The following AKT1 variants were observed in gnomAD, a reference collection of about 807,000 sequenced individuals.
The protein encoded by AKT1 is RAC-alpha serine/threonine-protein kinase.
In AKT1, 21 loss-of-function variants were observed where a neutral mutation model predicts 63.1. That is an observed-to-expected ratio of 0.33 (90% CI 0.24 to 0.48). The LOEUF (loss-of-function observed/expected upper bound fraction) is 0.48. Ranked by LOEUF, AKT1 falls within the 20% of genes least tolerant of loss-of-function variation. The probability of loss-of-function intolerance (pLI) is 0.99; values close to 1 mark genes in which losing one functional copy is unlikely to be tolerated. For missense variants in AKT1, 382 were observed against 666.0 expected (o/e 0.57, Z 4.69); for synonymous variants, 257 against 253.1 (o/e 1.02, Z -0.15).
rs17846816 is a variant in AKT1 at position 104,780,228 on chromosome 14, C to T, written c.47-12G>A. 909 of 1,612,298 alleles carry T rather than the reference C, an allele frequency of 5.6e-4. 20 individuals are homozygous for T. The East Asian group carries it at 7.7e-3, about 14-fold the overall frequency. ...CTTGATGTACTCCCCTACAGACGTG[C>T]GGGTGGTGAGAGCCACGCACACTCT... On this transcript the variant is annotated splice_polypyrimidine_tract_variant and intron_variant, in intron 3 of 14. Transcript: ENST00000649815.
intron 13 of AKT1, chr14:104,771,180 T>G: frequency 3.1e-6 from 1 of 324,044 alleles, no homozygotes; most frequent in Non-Finnish European, 5.7e-6. Flanking sequence ...TTTTTCTTTC[T>G]TGTTTTCTTA....
At position 104,770,102 on chromosome 14, in the gene AKT1, C is replaced by A; in HGVS notation, c.*239G>T. The A allele has an allele frequency of 1.7e-6, 1 of 586,402 alleles. No homozygotes were observed. The allele number at this position is 586,402 out of a possible 1,614,324, so 36.3% of individuals were successfully genotyped here. A position where few individuals can be genotyped will look rare whatever the true frequency, so the allele number is the denominator to read the frequency against. ...ATCGGATTGTTCTGAGGGCTGAGGC[C>A]ACACCCGGAGAACAAACTGGATGAA... On this transcript the variant is annotated 3_prime_UTR_variant, in exon 15 of 15. Coordinates refer to ENST00000649815, the MANE Select transcript of AKT1 (RefSeq NM_001382430.1).
At chr14:104,770,972 G>T in intron 13 of AKT1, 125 bp from the exon 14 acceptor site, 1 of 816,250 alleles carries the variant, frequency 1.2e-6, no homozygotes, top group Non-Finnish European at 2.0e-6. Context: ...ACTGATGTCA[G>T]AGAGCAGCAA....
chr14:104,777,886 C>T (rs1050454037), intron 4 of AKT1: 37 of 178,690 alleles, frequency 2.1e-4, no homozygotes, highest in African/African-American at 8.1e-4. Context: ...AAGTGGAAAC[C>T]GGTGTGAAGC....
chr14:104,792,262 G>A (rs370440780), intron 3 of AKT1, among the ~76,000 whole-genome samples: 5 of 152,158 alleles, frequency 3.3e-5, no homozygotes, highest in Admixed American at 1.3e-4. Context: ...GCCCTGGGCC[G>A]CCAGCGTGCC....
At chr14:104,781,122 T>C (rs36214558) in intron 3 of AKT1, among the ~76,000 whole-genome samples, 3,479 of 152,348 alleles carry the variant, frequency 0.023, 56 homozygotes, top group South Asian at 0.04. Flanking sequence ...GCAAGTACCA[T>C]TTTTCATACT....
chr14:104,776,815 TC>T, intron 4 of AKT1, 45 bp from the exon 5 acceptor site: 3 of 1,547,370 alleles, frequency 1.9e-6, no homozygotes, highest in Middle Eastern at 1.7e-4. Flanking sequence ...CCCCTGCCCC[TC>T]CCAGGGCCCT....
chr14:104,772,568 A>C, intron 12 of AKT1, 116 bp from the exon 13 acceptor site: 1 of 1,053,486 alleles, frequency 9.5e-7, no homozygotes, highest in East Asian at 2.5e-5. Context: ...GGGGCCAGGG[A>C]GGGGAGCCGG....
chr14:104,790,232 C>A (rs972680485), intron 3 of AKT1, among the ~76,000 whole-genome samples: 23 of 152,300 alleles, frequency 1.5e-4, no homozygotes, highest in African/African-American at 5.5e-4. Flanking sequence ...GGGACAGGTG[C>A]GGGCCAGCCT....
chr14:104,792,458 A>ATGTCTTCCCATGGCCCCATGG (rs1893676827), intron 3 of AKT1, 140 bp downstream of exon 3: 3 of 951,526 alleles, frequency 3.2e-6, no homozygotes, highest in Non-Finnish European at 5.0e-6. Flanking sequence ...CATGGGGCCC[A>ATGTCTTCCCATGGCCCCATGG]GGACACTCAC....
At chr14:104,776,829 C>G in intron 4 of AKT1, 59 bp from the exon 5 acceptor site, 1 of 1,453,472 alleles carries the variant, frequency 6.9e-7, no homozygotes, top group Non-Finnish European at 9.5e-7. Flanking sequence ...AGGGCCCTCA[C>G]CACAGCCCCC....
chr14:104,785,243 G>T (rs532656395), intron 3 of AKT1, among the ~76,000 whole-genome samples: 1 of 152,258 alleles, frequency 6.6e-6, no homozygotes, highest in South Asian at 2.1e-4. Context: ...ACAGCTCACC[G>T]CGAAGGGCCC....
chr14:104,781,676 T>C (rs1004403949), intron 3 of AKT1, among the ~76,000 whole-genome samples: 3 of 152,064 alleles, frequency 2.0e-5, no homozygotes, highest in African/African-American at 7.2e-5. Context: ...AGACCAGCCC[T>C]CTCTCTGCCC....
chr14:104,795,141 G>A lies in AKT1; in HGVS notation c.-258+343C>T, dbSNP rs1893824155. 6.6e-6 allele frequency: 1 copy of A among 152,084 alleles called. No individual in the cohort carries two copies. The highest frequency in any genetic ancestry group is 2.1e-4 in the South Asian group (1 of 4,838). 9.4% of individuals were successfully genotyped at this position (152,084 alleles called of 1,614,324 possible). ...GCCTCGCTGGCCCAGCGCCCGGGGA[G>A]CCCCACGGCCCGCAGGGGCACCCCG... On this transcript the variant is annotated intron_variant, in intron 1 of 14. Transcript: ENST00000649815. This position sits in a 1 kb window ranked among gnomAD's most constrained non-coding sequence, Gnocchi z 5.1.
intron 3 of AKT1, among the ~76,000 whole-genome samples, chr14:104,790,307 G>C (rs574925769): frequency 4.5e-4 from 68 of 152,288 alleles, no homozygotes; most frequent in South Asian, 2.5e-3. Flanking sequence ...CGTCTGCAAG[G>C]GGCTGCGGCC....
chr14:104,770,376 G>T lies in AKT1; in HGVS notation c.1408C>A (p.Pro470Thr). 6.2e-7 allele frequency: 1 copy of T among 1,612,896 alleles called. No individual in the cohort carries two copies. ...CCGCTGGCCGAGTAGGAGAACTGGG[G>T]GAAGTGGGGCCTGCGCTCGCTGTCC... ...CVDSERRPHFPQFSYSASGTA is the reference protein window; with the variant it reads ...CVDSERRPHFTQFSYSASGTA The change falls in exon 15 of 15, where the codon CCC becomes ACC. Residue 470 changes from proline (P) to threonine (T), a missense_variant. This residue lies in a region of AKT1 where 90 missense variants were observed against 120.5 expected (regional missense o/e 0.75). Transcript: ENST00000649815.
chr14:104,782,686 G>T (rs1893124828), intron 3 of AKT1, among the ~76,000 whole-genome samples: 1 of 152,184 alleles, frequency 6.6e-6, no homozygotes, highest in Non-Finnish European at 1.5e-5. Flanking sequence ...CAGACCCAGG[G>T]AACAGACGGC....
intron 4 of AKT1, chr14:104,777,235 C>T (rs181524832): frequency 4.7e-6 from 1 of 212,648 alleles, no homozygotes; most frequent in Admixed American, 6.1e-5. Flanking sequence ...TGGAGCACAC[C>T]CACACCTGGG....
intron 8 of AKT1, chr14:104,774,286 G>A: frequency 2.2e-6 from 1 of 458,214 alleles, no homozygotes; most frequent in Non-Finnish European, 4.1e-6. Context: ...ATCAGGCTGG[G>A]CCCCGGCAGC....
Sources: gnomAD v4.1 joint callset for allele counts (sites outside exome capture counted in the v4.1 genomes callset) on GRCh38, gnomAD v4.1.1 for gene constraint, gnomAD v4.1.1 regional missense constraint, Gnocchi (gnomAD v3.1) non-coding constraint, MANE v1.5 for transcripts, NCBI Gene and HGNC (gene_info 2026-07-23, HGNC 2026-07-21) for gene names.